Variants in DDX60L observed in about 807,000 individuals in gnomAD.
DDX60L encodes the protein DExD/H-box 60 like.
A neutral mutation model predicts 211.6 loss-of-function variants in DDX60L; 191 were observed. The ratio of observed to expected loss-of-function variants is 0.90; its 90% confidence interval spans 0.80 to 1.02. The LOEUF is 1.02. Ranked by LOEUF, DDX60L falls within the 50% of genes least tolerant of loss-of-function variation. The pLI is 0.00. For missense variants in DDX60L, 2,007 were observed against 1,984.1 expected (o/e 1.01, Z -0.22); for synonymous variants, 706 against 694.1 (o/e 1.02, Z -0.27).
intron 33 of DDX60L, among the ~76,000 whole-genome samples, chr4:168,377,000 T>C (rs1383843564): frequency 6.6e-6 from 1 of 152,112 alleles, no homozygotes; most frequent in Non-Finnish European, 1.5e-5. Context: ...TTTTAAAAAA[T>C]AAAAAGTGGG....
At chr4:168,372,447 C>T (rs1454364653) in intron 35 of DDX60L, among the ~76,000 whole-genome samples, 1 of 152,090 alleles carries the variant, frequency 6.6e-6, no homozygotes, top group African/African-American at 2.4e-5. Context: ...AAGTTCAGGC[C>T]AGGCATGGTG....
At chr4:168,402,124 C>CT (rs60345965) in intron 25 of DDX60L, among the ~76,000 whole-genome samples, 6,580 of 108,408 alleles carry the variant, frequency 0.061, 609 homozygotes, top group African/African-American at 0.18. Context: ...ACTTCAGAGG[C>CT]TTTTTTTTTT....
chr4:168,391,432 G>T, intron 29 of DDX60L, 108 bp downstream of exon 29: 1 of 731,224 alleles, frequency 1.4e-6, no homozygotes, highest in Non-Finnish European at 2.4e-6. Context: ...CACATAGAAA[G>T]TAAAAGGAAG....
chr4:168,409,785 T>G (rs1748363703), intron 22 of DDX60L, among the ~76,000 whole-genome samples: 1 of 152,206 alleles, frequency 6.6e-6, no homozygotes. Context: ...ATTAAGAACA[T>G]TAGGCTTTGG....
chr4:168,472,755 T>C lies in DDX60L; in HGVS notation c.-56A>G, dbSNP rs1188417502. ...GAGTAGAGCTGGAATTTATTAAATA[T>C]GGCTGATTTATTTTGACACCTCTAA... On this transcript the variant is annotated 5_prime_UTR_variant, in exon 2 of 38. Transcript: ENST00000682922. 4 of 1,594,828 alleles carry C rather than the reference T, an allele frequency of 2.5e-6. No individual in the cohort carries two copies. In the African/African-American group the frequency reaches 5.4e-5, roughly 22 times the overall value.
At chr4:168,429,089 ATT>A (rs1751921422) in intron 13 of DDX60L, among the ~76,000 whole-genome samples, 1 of 152,156 alleles carries the variant, frequency 6.6e-6, no homozygotes, top group South Asian at 2.1e-4. Context: ...TGTTAGGCCT[ATT>A]TTTACCACCT....
At chr4:168,447,607 G>T (rs1755018701) in intron 9 of DDX60L, among the ~76,000 whole-genome samples, 1 of 151,960 alleles carries the variant, frequency 6.6e-6, no homozygotes. Context: ...ATTCACAATA[G>T]CAAAGACTTG....
rs188482002 is a variant in DDX60L, at chr4:168,384,951, T to C, written c.3916-139A>G. The C allele has an allele frequency of 6.8e-5, 60 of 885,642 alleles. No homozygotes were observed. In the Admixed American group the frequency reaches 7.3e-4, roughly 11 times the overall value. The allele number at this position is 885,642 out of a possible 1,614,324, so 54.9% of individuals were successfully genotyped here. A position where few individuals can be genotyped will look rare whatever the true frequency, so the allele number is the denominator to read the frequency against. ...GTCCTGAAACTAATCTATGTTAACATGGCACTTAAAAAATACAGTGTGGCT... is the reference window on the plus strand; with the variant it reads ...GTCCTGAAACTAATCTATGTTAACACGGCACTTAAAAAATACAGTGTGGCT... On this transcript the variant is annotated intron_variant, in intron 29 of 37. Transcript: ENST00000682922.
rs373700437 is a variant in DDX60L at position 168,441,378 on chromosome 4, G to C, written c.1253C>G (p.Thr418Arg). ...NVGKSFPLRT[T>R]RRHFLRQEKS... ...CTCTTGTCTAAGAAAATGTCTTCTTGTTGTTCTCAGAGGAAAAGACTTTCC... is the reference window on the plus strand; with the variant it reads ...CTCTTGTCTAAGAAAATGTCTTCTTCTTGTTCTCAGAGGAAAAGACTTTCC... The change falls in exon 10 of 38, where the codon ACA becomes AGA. Residue 418 changes from threonine to arginine, a missense_variant. Thr to Arg is a moderately conservative substitution (Grantham distance 71, BLOSUM62 -1). Transcript: ENST00000682922. 33 of 1,611,154 alleles carry C rather than the reference G, an allele frequency of 2.0e-5. No homozygotes were observed. The highest frequency in any genetic ancestry group is 5.1e-5 in the Admixed American group (3 of 59,398).
intron 4 of DDX60L, among the ~76,000 whole-genome samples, chr4:168,471,202 T>C (rs866640420): frequency 6.6e-6 from 1 of 152,232 alleles, no homozygotes; most frequent in African/African-American, 2.4e-5. Context: ...TTAAATGTAA[T>C]GTCTACAACT....
At chr4:168,470,701 A>G (rs529030468) in intron 4 of DDX60L, 425 of 159,208 alleles carry the variant, frequency 2.7e-3, no homozygotes, top group South Asian at 7.4e-3. Context: ...TTAGCTGAGC[A>G]TGGTGGCACG....
At chr4:168,387,757 A>G (rs1385284667) in intron 29 of DDX60L, among the ~76,000 whole-genome samples, 3 of 152,246 alleles carry the variant, frequency 2.0e-5, no homozygotes, top group Non-Finnish European at 4.4e-5. Context: ...AAAGCATTAA[A>G]GATGACTCCG....
At chr4:168,386,520 TAC>T (rs1417389413) in intron 29 of DDX60L, among the ~76,000 whole-genome samples, 5 of 149,986 alleles carry the variant, frequency 3.3e-5, no homozygotes, top group African/African-American at 1.2e-4. Context: ...TCCAGTGAGG[TAC>T]AGAGTATTGT....
chr4:168,403,711 C>G (rs1349666673), intron 25 of DDX60L, among the ~76,000 whole-genome samples: 1 of 151,432 alleles, frequency 6.6e-6, no homozygotes, highest in Non-Finnish European at 1.5e-5. Context: ...TAGTTGCTTA[C>G]AAAAAGAAAT....
chr4:168,460,739 C>T (rs1034977174), intron 5 of DDX60L, among the ~76,000 whole-genome samples: 1 of 152,164 alleles, frequency 6.6e-6, no homozygotes, highest in Non-Finnish European at 1.5e-5. Flanking sequence ...TAAGGCAGGC[C>T]GCACAGGGTA....
chr4:168,390,397 T>C (rs1744592585), intron 29 of DDX60L: 1 of 1,266,382 alleles, frequency 7.9e-7, no homozygotes, highest in Admixed American at 4.0e-5. Context: ...GGTCTATAGC[T>C]ATACTTGAGA....
intron 1 of DDX60L, among the ~76,000 whole-genome samples, chr4:168,476,699 C>T (rs554566568): frequency 6.6e-6 from 1 of 152,216 alleles, no homozygotes; most frequent in Non-Finnish European, 1.5e-5. Context: ...GAGGTATCAA[C>T]TATCCACTAA....
At chr4:168,438,838 ATAGT>A (rs1168622689) in intron 10 of DDX60L, among the ~76,000 whole-genome samples, 1 of 152,234 alleles carries the variant, frequency 6.6e-6, no homozygotes, top group Non-Finnish European at 1.5e-5. Context: ...GAGGACTCTA[ATAGT>A]TAGGGGTATT....
chr4:168,471,880 T>A lies in DDX60L; in HGVS notation c.131A>T (p.Asp44Val). The A allele has an allele frequency of 6.2e-7, 1 of 1,611,044 alleles. No individual in the cohort carries two copies. The highest frequency in any genetic ancestry group is 8.5e-7 in the Non-Finnish European group (1 of 1,179,354). ...ACCCAGGCATGTGACAAGCAAGGAA[T>A]CTCCATCAATCACAAAAAAATTAGA... The part of the protein sequence containing the change: ...VESNFFVIDG[D>V]SLLVTCLGVK... The change falls in exon 4 of 38, where the codon GAT (aspartate) becomes GTT (valine). Residue 44 changes from aspartate to valine, a missense_variant. By Grantham distance (152) the Asp-to-Val change is radical. Transcript: ENST00000682922.
Sources: gnomAD v4.1 joint callset for allele counts (sites outside exome capture counted in the v4.1 genomes callset) on GRCh38, gnomAD v4.1.1 for gene constraint, MANE v1.5 for transcripts, NCBI Gene and HGNC (gene_info 2026-07-23, HGNC 2026-07-21) for gene names.